The following DENND6A variants were observed in gnomAD, a reference collection of about 807,000 sequenced individuals.
The protein encoded by DENND6A is protein DENND6A.
A neutral mutation model predicts 95.5 loss-of-function variants in DENND6A; 43 were observed. The ratio of observed to expected loss-of-function variants is 0.45; its 90% CI spans 0.35 to 0.58. DENND6A has a LOEUF of 0.58. DENND6A is among the 20% of genes least tolerant of loss of function. The pLI is 0.00. For missense variants in DENND6A, 574 were observed against 736.0 expected (o/e 0.78, Z 2.55); for synonymous variants, 257 against 260.4 (o/e 0.99, Z 0.13).
At chr3:57,631,416 G>A (rs934468748) in intron 15 of DENND6A, among the ~76,000 whole-genome samples, 1 of 151,944 alleles carries the variant, frequency 6.6e-6, no homozygotes, top group African/African-American at 2.4e-5. Context: ...GGCTGGTCTC[G>A]AACTCCTGAC....
intron 9 of DENND6A, among the ~76,000 whole-genome samples, chr3:57,650,445 CAT>C (rs1491023492): frequency 4.0e-5 from 6 of 149,372 alleles, no homozygotes; most frequent in East Asian, 2.0e-4. Flanking sequence ...CACACACACA[CAT>C]ACATACACAC....
chr3:57,692,297 A>G (rs2077274851), intron 1 of DENND6A, among the ~76,000 whole-genome samples: 1 of 151,890 alleles, frequency 6.6e-6, no homozygotes, highest in African/African-American at 2.4e-5. Context: ...GCGTGCTGAG[A>G]TAAGCATTTC....
Position 57,661,487 on chromosome 3 carries a change from G to A in DENND6A, c.578C>T (p.Ala193Val), listed in dbSNP as rs1396661544. 6.3e-7 allele frequency: 1 copy of A among 1,585,008 alleles called. No homozygotes were observed. Among genetic ancestry groups the A allele is most frequent in the Non-Finnish European group, 8.5e-7 (1 of 1,173,326 alleles). The change falls in exon 6 of 20, where the codon GCA (alanine) becomes GTA (valine). Residue 193 changes from alanine (A) to valine (V), a missense_variant. Physicochemically the swap from Ala to Val is moderately conservative, Grantham distance 64. This residue lies in a region of DENND6A where 452 missense variants were observed against 630.9 expected (regional missense o/e 0.72). Coordinates refer to ENST00000311128, the MANE Select transcript of DENND6A (RefSeq NM_152678.3). ...TTCATTCTTTTCAAAATACTCTGGT[G>A]CTATCTGTTTGAGCACAGTGTGAAA... is the stretch of plus-strand genomic sequence containing the variant. Reference protein sequence around the residue: ...HFFHTVLKQIAPEYFEKNEPY... With the variant: ...HFFHTVLKQIVPEYFEKNEPY...
intron 12 of DENND6A, among the ~76,000 whole-genome samples, chr3:57,638,338 C>A (rs1022941869): frequency 2.0e-5 from 3 of 150,878 alleles, no homozygotes; most frequent in African/African-American, 7.3e-5. Flanking sequence ...CTTGAATAGA[C>A]ATTTCTCCAA....
intron 3 of DENND6A, among the ~76,000 whole-genome samples, chr3:57,667,648 C>T (rs1339103401): frequency 1.3e-5 from 2 of 152,192 alleles, no homozygotes; most frequent in South Asian, 4.1e-4. Flanking sequence ...GAGCTTCTCA[C>T]AATTTATTCC....
chr3:57,640,260 C>G (rs2070896687), intron 12 of DENND6A, among the ~76,000 whole-genome samples: 1 of 145,514 alleles, frequency 6.9e-6, no homozygotes, highest in Non-Finnish European at 1.5e-5. Context: ...CAGAGTGAGA[C>G]TCTGTCTCAA....
intron 9 of DENND6A, among the ~76,000 whole-genome samples, chr3:57,647,315 T>C (rs1415115121): frequency 6.6e-6 from 1 of 151,742 alleles, no homozygotes; most frequent in Non-Finnish European, 1.5e-5. Context: ...AAAAAACAGC[T>C]CATGGGTAAG....
In DENND6A at chr3:57,630,697, CAG is replaced by C. The variant is rs766228614; in HGVS notation, c.1517+16_1517+17del. The C allele has an allele frequency of 1.2e-6, 2 of 1,606,100 alleles. No individual in the cohort carries two copies. The highest frequency in any genetic ancestry group is 1.7e-5 in the Admixed American group (1 of 58,068). On this transcript the variant is annotated intron_variant, in intron 17 of 19. Transcript: ENST00000311128. ...TAAAGCACGACACATGGGTGTAAAA[CAG>C]GGAAAAAAGACTAACCGGTAAAGTC...
intron 1 of DENND6A, among the ~76,000 whole-genome samples, chr3:57,674,774 G>A (rs932066825): frequency 2.0e-5 from 3 of 152,154 alleles, no homozygotes; most frequent in East Asian, 1.9e-4. Context: ...TATATACCAC[G>A]AAATACTATG....
intron 11 of DENND6A, among the ~76,000 whole-genome samples, chr3:57,643,346 T>G (rs1383802908): frequency 6.6e-6 from 1 of 152,150 alleles, no homozygotes; most frequent in East Asian, 1.9e-4. Context: ...AGTTTGCACA[T>G]GTTTAGTTTC....
At chr3:57,677,301 T>C (rs2071726939) in intron 1 of DENND6A, among the ~76,000 whole-genome samples, 1 of 152,168 alleles carries the variant, frequency 6.6e-6, no homozygotes, top group African/African-American at 2.4e-5. Context: ...ACCAAGTCCT[T>C]ACATTATTTC....
At chr3:57,669,029 C>T (rs539441402) in intron 3 of DENND6A, among the ~76,000 whole-genome samples, 2 of 152,190 alleles carry the variant, frequency 1.3e-5, no homozygotes, top group East Asian at 1.9e-4. Flanking sequence ...CACACCACCA[C>T]GCCCAGCTAA....
At chr3:57,651,094 G>C (rs2071200362) in intron 9 of DENND6A, among the ~76,000 whole-genome samples, 4 of 152,008 alleles carry the variant, frequency 2.6e-5, no homozygotes, top group African/African-American at 7.2e-5. Context: ...CATCCACATG[G>C]AATATTATTC....
intron 12 of DENND6A, among the ~76,000 whole-genome samples, chr3:57,637,112 C>A (rs1199838862): frequency 1.3e-5 from 2 of 152,124 alleles, no homozygotes; most frequent in Non-Finnish European, 2.9e-5. Context: ...TCCAAGAATA[C>A]TGCACAAATT....
intron 1 of DENND6A, among the ~76,000 whole-genome samples, chr3:57,677,085 A>G (rs1190567218): frequency 1.3e-5 from 2 of 152,302 alleles, no homozygotes; most frequent in African/African-American, 4.8e-5. Flanking sequence ...TGGCCTCCCA[A>G]AGTGTTAGAA....
At chr3:57,666,060 C>T in intron 4 of DENND6A, 63 bp downstream of exon 4, 1 of 1,372,212 alleles carries the variant, frequency 7.3e-7, no homozygotes, top group Non-Finnish European at 1.0e-6. Context: ...TCAGCGGTAA[C>T]TGAATAAATG....
At chr3:57,653,744 T>G in intron 9 of DENND6A, among the ~76,000 whole-genome samples, 1 of 84,724 alleles carries the variant, frequency 1.2e-5, no homozygotes, top group Admixed American at 1.4e-4. Context: ...AGACTCCATC[T>G]AAAAAAAAAA....
At chr3:57,683,941 T>C (rs1202683601) in intron 1 of DENND6A, among the ~76,000 whole-genome samples, 1 of 151,976 alleles carries the variant, frequency 6.6e-6, no homozygotes, top group Non-Finnish European at 1.5e-5. Context: ...GATCACAAGG[T>C]CAGGAGTTCA....
intron 9 of DENND6A, among the ~76,000 whole-genome samples, chr3:57,649,390 T>C (rs749919132): frequency 6.6e-6 from 1 of 152,040 alleles, no homozygotes; most frequent in Non-Finnish European, 1.5e-5. Flanking sequence ...AAGGGAATAC[T>C]TTTACACTGT....
Sources: gnomAD v4.1 joint callset for allele counts (sites outside exome capture counted in the v4.1 genomes callset) on GRCh38, gnomAD v4.1.1 for gene constraint, gnomAD v4.1.1 regional missense constraint, MANE v1.5 for transcripts, NCBI Gene and HGNC (gene_info 2026-07-23, HGNC 2026-07-21) for gene names.